Variants in SLC26A7 observed in about 807,000 individuals in gnomAD.
SLC26A7 encodes solute carrier family 26 member 7, also known as anion exchange transporter.
In SLC26A7, 59 loss-of-function variants were observed where a neutral mutation model predicts 82.5. That is an observed-to-expected ratio of 0.72 (90% CI 0.58 to 0.89). The LOEUF (loss-of-function observed/expected upper bound fraction) is 0.89, where lower values mean the gene tolerates loss of function less well. Ranked by LOEUF, SLC26A7 falls within the 40% of genes least tolerant of loss-of-function variation. SLC26A7 has a pLI of 0.00. For missense variants in SLC26A7, 820 were observed against 793.0 expected (o/e 1.03, Z -0.41); for synonymous variants, 271 against 274.3 (o/e 0.99, Z 0.12).
chr8:91,264,593 C>G (rs1386543733), intron 2 of SLC26A7, among the ~76,000 whole-genome samples: 1 of 151,946 alleles, frequency 6.6e-6, no homozygotes, highest in African/African-American at 2.4e-5. Context: ...GATGTTGTTT[C>G]TATTGTTGAT....
intron 16 of SLC26A7, among the ~76,000 whole-genome samples, chr8:91,389,801 TTGA>T (rs1302496173): frequency 1.3e-5 from 2 of 152,142 alleles, no homozygotes; most frequent in African/African-American, 4.8e-5. Flanking sequence ...AGTAAGTGCC[TTGA>T]TGATGGCAGG....
intron 5 of SLC26A7, among the ~76,000 whole-genome samples, chr8:91,330,860 G>C (rs1239140249): frequency 6.6e-6 from 1 of 152,052 alleles, no homozygotes; most frequent in African/African-American, 2.4e-5. Context: ...ATCTAAATTA[G>C]CTTTCTAGGG....
chr8:91,289,235 A>C lies in SLC26A7; in HGVS notation c.293A>C (p.His98Pro). Residue 98 changes from histidine (H) to proline (P), a missense_variant, in exon 3 of 19, where the codon CAT becomes CCT. Physicochemically the swap from His to Pro is moderately conservative, Grantham distance 77. Transcript: ENST00000276609. ...IIYAIFGMGH[H>P]VATGTFALTS... ...TATGCCATATTTGGAATGGGACATC[A>C]TGTTGCCACAGGTAATAATTCCTAT... 6.2e-7 allele frequency: 1 copy of C among 1,610,200 alleles called. No individual in the cohort carries two copies. The highest frequency in any genetic ancestry group is 8.5e-7 in the Non-Finnish European group (1 of 1,176,502).
chr8:91,243,594 T>C (rs1268615186), intron 2 of SLC26A7, among the ~76,000 whole-genome samples: 1 of 152,136 alleles, frequency 6.6e-6, no homozygotes, highest in Non-Finnish European at 1.5e-5. Context: ...AATCTGCACA[T>C]GCAGAATATT....
At chr8:91,316,451 ATTTTTTTTTTTTTTTTT>A (rs58981485) in intron 4 of SLC26A7, among the ~76,000 whole-genome samples, 5,081 of 34,382 alleles carry the variant, frequency 0.15, 245 homozygotes, top group African/African-American at 0.17. Flanking sequence ...CTCAACACTA[ATTTTTTTTTTTTTTTTT>A]TTTTTTTTTT....
At chr8:91,357,603 C>T (rs996543266) in intron 11 of SLC26A7, among the ~76,000 whole-genome samples, 9 of 152,228 alleles carry the variant, frequency 5.9e-5, no homozygotes, top group African/African-American at 1.7e-4. Context: ...TATACAAAAA[C>T]TAATTCAAGA....
At chr8:91,328,960 C>T (rs1217963351) in intron 5 of SLC26A7, among the ~76,000 whole-genome samples, 1 of 152,018 alleles carries the variant, frequency 6.6e-6, no homozygotes, top group Non-Finnish European at 1.5e-5. Flanking sequence ...TCAAAATGAG[C>T]TGAACTCTCA....
intron 9 of SLC26A7, among the ~76,000 whole-genome samples, chr8:91,351,437 A>T (rs80207772): frequency 6.6e-6 from 1 of 152,294 alleles, no homozygotes; most frequent in South Asian, 2.1e-4. Flanking sequence ...CTCCTACAAA[A>T]TAAGGAGGGG....
chr8:91,291,938 T>C (rs968267336), intron 3 of SLC26A7, among the ~76,000 whole-genome samples: 3 of 152,212 alleles, frequency 2.0e-5, no homozygotes, highest in Admixed American at 6.5e-5. Flanking sequence ...GCATTTGTAC[T>C]TCACCAAAGA....
At chr8:91,288,975 A>T (rs1811787938) in intron 2 of SLC26A7, among the ~76,000 whole-genome samples, 161 bp from the exon 3 acceptor site, 1 of 152,226 alleles carries the variant, frequency 6.6e-6, no homozygotes, top group East Asian at 1.9e-4. Context: ...CTAAAGCGTG[A>T]ATTTTCTTTT....
At chr8:91,333,695 G>A (rs1001583323) in intron 5 of SLC26A7, among the ~76,000 whole-genome samples, 1 of 152,154 alleles carries the variant, frequency 6.6e-6, no homozygotes, top group South Asian at 2.1e-4. Context: ...TAGACCATGA[G>A]CTCTGTGAAT....
At chr8:91,278,330 A>T (rs1168072904) in intron 2 of SLC26A7, among the ~76,000 whole-genome samples, 10 of 152,304 alleles carry the variant, frequency 6.6e-5, no homozygotes, top group Middle Eastern at 3.4e-3. Flanking sequence ...GAATTGATGC[A>T]TAAGAGATGT....
intron 11 of SLC26A7, 80 bp from the exon 12 acceptor site, chr8:91,362,273 T>C: frequency 2.1e-6 from 2 of 961,732 alleles, no homozygotes; most frequent in Non-Finnish European, 1.6e-6. Flanking sequence ...GTTAAGAATA[T>C]GATTGTGAGG....
At chr8:91,284,556 T>C (rs1811660208) in intron 2 of SLC26A7, among the ~76,000 whole-genome samples, 1 of 152,314 alleles carries the variant, frequency 6.6e-6, no homozygotes, top group Non-Finnish European at 1.5e-5. Flanking sequence ...AGGCTTCGTC[T>C]CCTAAAAGTT....
chr8:91,368,977 C>T (rs533555385), intron 14 of SLC26A7, among the ~76,000 whole-genome samples: 2 of 152,258 alleles, frequency 1.3e-5, no homozygotes, highest in South Asian at 2.1e-4. Flanking sequence ...AGAGAAAACA[C>T]GGGCTCTCTA....
intron 2 of SLC26A7, among the ~76,000 whole-genome samples, chr8:91,278,552 C>A (rs1447870587): frequency 6.6e-6 from 1 of 151,896 alleles, no homozygotes; most frequent in Non-Finnish European, 1.5e-5. Flanking sequence ...TTATTTTTTT[C>A]TGGATCATGG....
intron 2 of SLC26A7, among the ~76,000 whole-genome samples, chr8:91,223,289 A>T (rs1810186967): frequency 6.6e-6 from 1 of 151,480 alleles, no homozygotes; most frequent in Non-Finnish European, 1.5e-5. Context: ...CAGCTCCTGG[A>T]TTCATTTATT....
At chr8:91,243,449 T>G (rs1810500625) in intron 2 of SLC26A7, among the ~76,000 whole-genome samples, 1 of 151,238 alleles carries the variant, frequency 6.6e-6, no homozygotes, top group South Asian at 2.1e-4. Flanking sequence ...TGCCAAAGAG[T>G]GGGGGTGGAG....
chr8:91,246,906 GT>G (rs1405871230), upstream of SLC26A7, among the ~76,000 whole-genome samples: 1 of 152,140 alleles, frequency 6.6e-6, no homozygotes, highest in African/African-American at 2.4e-5. Flanking sequence ...AGTTATACAT[GT>G]TTTGATTTTC....
Sources: allele counts gnomAD v4.1 joint callset (sites outside exome capture counted in the v4.1 genomes callset), GRCh38; gene constraint gnomAD v4.1.1; transcripts MANE v1.5; gene names NCBI Gene and HGNC (gene_info 2026-07-23, HGNC 2026-07-21).